The following FAM98B variants were observed in gnomAD, a reference collection of about 807,000 sequenced individuals.
FAM98B encodes the protein tRNA-splicing ligase complex subunit FAM98B.
A neutral mutation model predicts 43.9 loss-of-function variants in FAM98B; 32 were observed. The observed-to-expected ratio is 0.73, with a 90% CI of 0.55 to 0.98. The LOEUF (loss-of-function observed/expected upper bound fraction) is 0.98, where lower values mean the gene tolerates loss of function less well. Ranked by LOEUF, FAM98B falls within the 50% of genes least tolerant of loss-of-function variation. FAM98B has a pLI of 0.00. For synonymous variants in FAM98B, 190 were observed against 174.0 expected, an observed-to-expected ratio of 1.09 and a Z score of -0.72; for missense variants, 514 against 522.9, an observed-to-expected ratio of 0.98 and a Z score of 0.17.
At chr15:38,478,475 T>C (rs1009648123) in intron 6 of FAM98B, among the ~76,000 whole-genome samples, 1 of 152,208 alleles carries the variant, frequency 6.6e-6, no homozygotes, top group Non-Finnish European at 1.5e-5. Context: ...TTCTCCCTAT[T>C]TTCGTGATAG....
intron 1 of FAM98B, among the ~76,000 whole-genome samples, chr15:38,460,802 T>C (rs1889934783): frequency 6.6e-6 from 1 of 152,328 alleles, no homozygotes; most frequent in Admixed American, 6.5e-5. Flanking sequence ...CCATCCCGGA[T>C]GAATTATTTA....
intron 3 of FAM98B, among the ~76,000 whole-genome samples, chr15:38,467,974 C>A (rs968580682): frequency 6.6e-6 from 1 of 152,134 alleles, no homozygotes; most frequent in South Asian, 2.1e-4. Flanking sequence ...AATACATACA[C>A]ACACACATGC....
intron 6 of FAM98B, among the ~76,000 whole-genome samples, chr15:38,478,725 A>G (rs919002030): frequency 2.0e-5 from 3 of 152,174 alleles, no homozygotes; most frequent in African/African-American, 7.2e-5. Context: ...AAGGCTGTTG[A>G]TGCATACTCC....
chr15:38,462,532 G>A (rs1222800971), intron 1 of FAM98B, among the ~76,000 whole-genome samples: 2 of 152,248 alleles, frequency 1.3e-5, no homozygotes, highest in East Asian at 3.9e-4. Context: ...ACAGGAATAC[G>A]TCGTAAATAT....
At chr15:38,456,136 T>G (rs1889844267) in intron 1 of FAM98B, among the ~76,000 whole-genome samples, 1 of 152,198 alleles carries the variant, frequency 6.6e-6, no homozygotes, top group Non-Finnish European at 1.5e-5. Flanking sequence ...GAAAAATCTA[T>G]GTGAAAGGAC....
intron 3 of FAM98B, among the ~76,000 whole-genome samples, chr15:38,468,962 A>C (rs974231509): frequency 6.6e-6 from 1 of 152,220 alleles, no homozygotes; most frequent in African/African-American, 2.4e-5. Context: ...GCTGGAGTGC[A>C]ATGGCACGAT....
intron 1 of FAM98B, among the ~76,000 whole-genome samples, chr15:38,460,765 C>T (rs145836299): frequency 1.4e-3 from 217 of 152,196 alleles, no homozygotes; most frequent in African/African-American, 4.7e-3. Context: ...GGCTCAGTTC[C>T]GGGACAGTTG....
intron 1 of FAM98B, chr15:38,459,255 A>G: frequency 2.1e-6 from 1 of 478,510 alleles, no homozygotes; most frequent in South Asian, 1.6e-5. Flanking sequence ...TCCTCCTTTG[A>G]TCTTCCTCTG....
intron 6 of FAM98B, among the ~76,000 whole-genome samples, chr15:38,478,341 A>G (rs1890235181): frequency 1.3e-5 from 2 of 152,244 alleles, no homozygotes; most frequent in South Asian, 2.1e-4. Flanking sequence ...TTTTAAAAAT[A>G]TATTTTCCTT....
intron 1 of FAM98B, among the ~76,000 whole-genome samples, chr15:38,457,439 G>C (rs993833938): frequency 3.9e-5 from 6 of 152,160 alleles, no homozygotes; most frequent in African/African-American, 1.4e-4. Context: ...GAATGCAGAG[G>C]AATCAATGAA....
intron 3 of FAM98B, among the ~76,000 whole-genome samples, chr15:38,467,022 C>T (rs1890045234): frequency 6.6e-6 from 1 of 151,952 alleles, no homozygotes; most frequent in African/African-American, 2.4e-5. Flanking sequence ...ATTGACATAA[C>T]ATTATGTGTA....
At chr15:38,478,958 T>A (rs1890245307) in intron 6 of FAM98B, among the ~76,000 whole-genome samples, 1 of 152,096 alleles carries the variant, frequency 6.6e-6, no homozygotes, top group Non-Finnish European at 1.5e-5. Context: ...AACATAAAAT[T>A]TACCATTTTA....
At chr15:38,458,541 A>G (rs144496955) in intron 1 of FAM98B, among the ~76,000 whole-genome samples, 2 of 152,020 alleles carry the variant, frequency 1.3e-5, no homozygotes, top group East Asian at 3.9e-4. Flanking sequence ...GAACCCAACA[A>G]CTCGGGAGCA....
At chr15:38,476,800 C>T (rs758284699) in intron 6 of FAM98B, among the ~76,000 whole-genome samples, 36 of 151,156 alleles carry the variant, frequency 2.4e-4, no homozygotes, top group Non-Finnish European at 4.9e-4. Context: ...GCTTCCTCAG[C>T]TGCATGGTAG....
intron 6 of FAM98B, among the ~76,000 whole-genome samples, chr15:38,477,704 A>C (rs1415846488): frequency 6.6e-6 from 1 of 152,224 alleles, no homozygotes; most frequent in African/African-American, 2.4e-5. Context: ...ATGATTAGGT[A>C]TAGAAGATTT....
chr15:38,474,263 A>G lies in FAM98B; in HGVS notation c.694A>G (p.Thr232Ala), dbSNP rs200539145. The G allele has an allele frequency of 5.6e-6, 9 of 1,613,560 alleles. No homozygotes were observed. Among genetic ancestry groups the G allele is most frequent in the Non-Finnish European group, 7.6e-6 (9 of 1,179,710 alleles). Reference sequence around the variant, plus strand: ...AATGTTAATGAAACGATTAGATGTGACTGTACAGTCCTTTGGATGGTCTGA... The same window carrying G: ...AATGTTAATGAAACGATTAGATGTGGCTGTACAGTCCTTTGGATGGTCTGA... ...RRMLMKRLDV[T>A]VQSFGWSDRA... Residue 232 changes from threonine (T) to alanine (A), a missense_variant, in exon 6 of 8, where the codon ACT (threonine) becomes GCT (alanine). Coordinates refer to ENST00000397609, the MANE Select transcript of FAM98B (RefSeq NM_173611.4).
intron 7 of FAM98B, chr15:38,481,881 A>G: frequency 3.5e-6 from 1 of 285,856 alleles, no homozygotes; most frequent in South Asian, 4.8e-5. Context: ...ATTTACTTAC[A>G]GAAATGACCC....
chr15:38,470,159 A>G (rs2141057078), intron 3 of FAM98B, 68 bp from the exon 4 acceptor site: 1 of 1,239,178 alleles, frequency 8.1e-7, no homozygotes, highest in African/African-American at 1.5e-5. Flanking sequence ...TAAGTGAATA[A>G]TTTCAGTGAA....
At chr15:38,462,603 A>G (rs747924880) in intron 1 of FAM98B, among the ~76,000 whole-genome samples, 29 of 152,208 alleles carry the variant, frequency 1.9e-4, no homozygotes, top group Non-Finnish European at 3.7e-4. Context: ...TTCTGAAGCC[A>G]TAAGTAATTT....
Sources: allele counts gnomAD v4.1 joint callset (sites outside exome capture counted in the v4.1 genomes callset), GRCh38; gene constraint gnomAD v4.1.1; transcripts MANE v1.5; gene names NCBI Gene and HGNC (gene_info 2026-07-23, HGNC 2026-07-21).